RBFOX3: variants seen among roughly 807,000 people sequenced by gnomAD.
RBFOX3 encodes the protein RNA binding protein fox-1 homolog 3.
In RBFOX3, 17 loss-of-function variants were observed where a neutral mutation model predicts 48.7. The ratio of observed to expected loss-of-function variants is 0.35; its 90% CI spans 0.24 to 0.52. The LOEUF (loss-of-function observed/expected upper bound fraction) is 0.52. RBFOX3 is among the 20% of genes least tolerant of loss of function. The probability of loss-of-function intolerance (pLI) is 0.94; values close to 1 mark genes in which losing one functional copy is unlikely to be tolerated. For synonymous variants in RBFOX3, 212 were observed against 209.5 expected (o/e 1.01, Z -0.10); for missense variants, 382 against 497.5 (o/e 0.77, Z 2.21).
chr17:79,567,175 TCTTTC>T lies in RBFOX3; in HGVS notation c.-320+43646_-320+43650del, dbSNP rs1431196957. The stretch of plus-strand genomic sequence containing the variant: ...ACATGTGCTATTTTTTTTCTTTCTT[TCTTTC>T]TTTTTTTTTTTTTTTTTTTTTGAGA... On this transcript the variant is annotated intron_variant, in intron 1 of 14. Coordinates refer to ENST00000693108, the MANE Select transcript of RBFOX3 (RefSeq NM_001350451.2). 1.5e-4 allele frequency among the ~76,000 whole-genome samples: 22 copies of T among 143,212 alleles called. No individual in the cohort carries two copies. The East Asian group carries it at 1.7e-3, about 11-fold the overall frequency. 94.0% of individuals were successfully genotyped at this position (143,212 alleles called of 152,430 possible).
intron 2 of RBFOX3, among the ~76,000 whole-genome samples, chr17:79,450,425 G>A (rs1002904684): frequency 3.3e-5 from 5 of 152,136 alleles, no homozygotes. Context: ...CCGAGGTATT[G>A]GCACAGATGT....
chr17:79,225,099 A>G (rs1002781415), intron 4 of RBFOX3, among the ~76,000 whole-genome samples: 3 of 152,138 alleles, frequency 2.0e-5, no homozygotes, highest in Non-Finnish European at 4.4e-5. Flanking sequence ...CACCTATGCA[A>G]AACATGCCCC....
chr17:79,094,384 G>A (rs2074701022), intron 14 of RBFOX3, 67 bp downstream of exon 14: 1 of 1,214,398 alleles, frequency 8.2e-7, no homozygotes, highest in Non-Finnish European at 1.1e-6. Context: ...TCTCCCCCAA[G>A]GGCCTCACCA....
intron 4 of RBFOX3, among the ~76,000 whole-genome samples, chr17:79,203,708 C>G (rs777056799): frequency 2.6e-5 from 4 of 151,968 alleles, no homozygotes; most frequent in African/African-American, 7.3e-5. Context: ...ACAACTGTCT[C>G]AAGCTAGCTG....
chr17:79,176,492 C>T (rs8073550), intron 4 of RBFOX3, among the ~76,000 whole-genome samples: 110,043 of 152,228 alleles, frequency 0.72, 41,051 homozygotes, highest in African/African-American at 0.92. Flanking sequence ...CTTCCAGAGC[C>T]GAACTCGCTG....
Position 79,366,247 on chromosome 17 carries a change from G to A in RBFOX3, c.-174-58423C>T, listed in dbSNP as rs549568971. Among the ~76,000 whole-genome samples, 300 of 152,340 alleles carry A rather than the reference G, an allele frequency of 2.0e-3. 2 individuals are homozygous for A. Among genetic ancestry groups the A allele is most frequent in the Non-Finnish European group, 1.9e-3 (131 of 68,028 alleles). On this transcript the variant is annotated intron_variant, in intron 2 of 14. Coordinates refer to ENST00000693108, the MANE Select transcript of RBFOX3 (RefSeq NM_001350451.2). ...CACCGCACTAGTCTTTCTGGTAGACGATCAGGCATCTCGGGCACCATCACT... is the reference window on the plus strand; with the variant it reads ...CACCGCACTAGTCTTTCTGGTAGACAATCAGGCATCTCGGGCACCATCACT...
chr17:79,545,936 CTGTGTGTGTGTGCACGTG>C (rs1311072000), intron 1 of RBFOX3, among the ~76,000 whole-genome samples: 3 of 152,180 alleles, frequency 2.0e-5, no homozygotes, highest in African/African-American at 7.2e-5. Context: ...ATTGGAAAGA[CTGTGTGTGTGTGCACGTG>C]TGTGCGTGTG....
Position 79,516,406 on chromosome 17 carries a change from C to T in RBFOX3, c.-319-33808G>A, listed in dbSNP as rs963740056. On this transcript the variant is annotated intron_variant, in intron 1 of 14. Coordinates refer to ENST00000693108, the MANE Select transcript of RBFOX3 (RefSeq NM_001350451.2). ...CCCTGCCCTGGAGAACCAGGATACC[C>T]AGCTCCTGGGCAGAGAGACACAGGC... Among the ~76,000 whole-genome samples, 17 of 152,330 alleles carry T rather than the reference C, an allele frequency of 1.1e-4. 1 individual carries two copies. The Middle Eastern group carries it at 0.02, about 183-fold the overall frequency.
Position 79,246,029 on chromosome 17 carries a change from T to C in RBFOX3, c.-73-10224A>G, listed in dbSNP as rs1465149507. Among the ~76,000 whole-genome samples, 3 of 151,690 alleles carry C rather than the reference T, an allele frequency of 2.0e-5. No individual in the cohort carries two copies. In the East Asian group the frequency reaches 5.8e-4, roughly 29 times the overall value. Reference sequence around the variant, plus strand: ...ACGAGCATGTCAGAAAAAAAAAAAATTGTTGCTCAACCTTACTGGTTGTAT... The same window carrying C: ...ACGAGCATGTCAGAAAAAAAAAAAACTGTTGCTCAACCTTACTGGTTGTAT... On this transcript the variant is annotated intron_variant, in intron 3 of 14. Coordinates refer to ENST00000693108, the MANE Select transcript of RBFOX3 (RefSeq NM_001350451.2).
intron 1 of RBFOX3, among the ~76,000 whole-genome samples, chr17:79,581,441 G>T (rs2093056159): frequency 6.6e-6 from 1 of 152,234 alleles, no homozygotes; most frequent in Non-Finnish European, 1.5e-5. Flanking sequence ...CTGGACACCA[G>T]AGCATCAGGC....
chr17:79,491,527 C>G (rs968424885), intron 1 of RBFOX3, among the ~76,000 whole-genome samples: 2 of 151,980 alleles, frequency 1.3e-5, no homozygotes, highest in Non-Finnish European at 2.9e-5. Flanking sequence ...GAGTTAGTGA[C>G]TGTGAACACC....
At chr17:79,386,631 G>A (rs1157882157) in intron 2 of RBFOX3, among the ~76,000 whole-genome samples, 1 of 152,194 alleles carries the variant, frequency 6.6e-6, no homozygotes, top group South Asian at 2.1e-4. Context: ...GTCAGTGTGA[G>A]CTCCCGGCCA....
chr17:79,567,474 C>T (rs879092614), intron 1 of RBFOX3, among the ~76,000 whole-genome samples: 77,513 of 151,940 alleles, frequency 0.51, 21,331 homozygotes, highest in South Asian at 0.65. Flanking sequence ...CGTGAGCCAC[C>T]GCACCCAGCC....
chr17:79,150,014 A>ATGGGGGTTGAGGGTGGGGGATGGGG lies in RBFOX3; in HGVS notation c.-33-34267_-33-34266insCCCCATCCCCCACCCTCAACCCCCA, dbSNP rs2044006284. Among the ~76,000 whole-genome samples the ATGGGGGTTGAGGGTGGGGGATGGGG allele has an allele frequency of 3.1e-3, 18 of 5,832 alleles. 3 individuals are homozygous for ATGGGGGTTGAGGGTGGGGGATGGGG. Among genetic ancestry groups the ATGGGGGTTGAGGGTGGGGGATGGGG allele is most frequent in the African/African-American group, 0.013 (18 of 1,434 alleles). 3.8% of individuals were successfully genotyped at this position (5,832 alleles called of 152,430 possible). On this transcript the variant is annotated intron_variant, in intron 4 of 14. Coordinates refer to ENST00000693108, the MANE Select transcript of RBFOX3 (RefSeq NM_001350451.2). ...ATGGGGGTGGGGGTGGGGGATGGGG[A>ATGGGGGTTGAGGGTGGGGGATGGGG]TGGGGGTTGAGGGTGGGGGGTGGGG...
rs1555684850 is a variant in RBFOX3, at chr17:79,356,372, T to TTTTGTTTTTG, written c.-174-48549_-174-48548insCAAAAACAAA. Among the ~76,000 whole-genome samples the TTTTGTTTTTG allele has an allele frequency of 8.6e-3, 638 of 73,968 alleles. 11 individuals carry two copies. Among genetic ancestry groups the TTTTGTTTTTG allele is most frequent in the Non-Finnish European group, 0.014 (481 of 34,544 alleles). The allele number at this position is 73,968 out of a possible 152,430, so 48.5% of individuals were successfully genotyped here. On this transcript the variant is annotated intron_variant, in intron 2 of 14. Coordinates refer to ENST00000693108, the MANE Select transcript of RBFOX3 (RefSeq NM_001350451.2). ...AGTTTTTTTTTTTTTTTTTTTTTTT[T>TTTTGTTTTTG]TTTTTTTTTTTTTTGAGGAGGAGTC...
chr17:79,594,148 G>A (rs2093502311), intron 1 of RBFOX3, among the ~76,000 whole-genome samples: 1 of 152,116 alleles, frequency 6.6e-6, no homozygotes, highest in South Asian at 2.1e-4. Context: ...TGGAGAGGTG[G>A]GTCCTCCTGA....
the RBFOX3 span, among the ~76,000 whole-genome samples, chr17:79,618,671 G>C: frequency 6.6e-6 from 1 of 152,230 alleles, no homozygotes; most frequent in Non-Finnish European, 1.5e-5. Flanking sequence ...ATGGAGAAGA[G>C]ACGGGGGTGT....
the RBFOX3 span, among the ~76,000 whole-genome samples, chr17:79,616,652 G>T: frequency 6.6e-6 from 1 of 151,556 alleles, no homozygotes; most frequent in African/African-American, 2.4e-5. Flanking sequence ...TACCGCTGTT[G>T]TATGTGTCGG....
intron 3 of RBFOX3, among the ~76,000 whole-genome samples, chr17:79,280,046 C>T (rs990247016): frequency 1.6e-4 from 24 of 152,126 alleles, no homozygotes; most frequent in African/African-American, 5.8e-4. Flanking sequence ...TGTCACCACA[C>T]CCCTATGGGA....
Sources: allele counts gnomAD v4.1 joint callset (sites outside exome capture counted in the v4.1 genomes callset), GRCh38; gene constraint gnomAD v4.1.1; transcripts MANE v1.5; gene names NCBI Gene and HGNC (gene_info 2026-07-23, HGNC 2026-07-21).